GLIS3: variants seen among roughly 807,000 people sequenced by gnomAD.
The protein encoded by GLIS3 is GLIS family zinc finger 3.
A neutral mutation model predicts 78.6 loss-of-function variants in GLIS3; 53 were observed. The ratio of observed to expected loss-of-function variants is 0.67; its 90% CI spans 0.54 to 0.85. The LOEUF (loss-of-function observed/expected upper bound fraction) is 0.85, where lower values mean the gene tolerates loss of function less well. GLIS3 is among the 40% of genes least tolerant of loss of function. GLIS3 has a pLI of 0.00. For synonymous variants in GLIS3, 684 were observed against 509.9 expected, an observed-to-expected ratio of 1.34 and a Z score of -4.60; for missense variants, 1,703 against 1,231.1, an observed-to-expected ratio of 1.38 and a Z score of -5.74.
intron 4 of GLIS3, among the ~76,000 whole-genome samples, chr9:4,037,860 G>C (rs535003998): frequency 5.3e-5 from 8 of 152,072 alleles, no homozygotes; most frequent in Admixed American, 1.3e-4. Flanking sequence ...TATTATGACA[G>C]CTGTGGAGAA....
At chr9:4,401,688 C>T in the GLIS3 span, among the ~76,000 whole-genome samples, 4 of 151,738 alleles carry the variant, frequency 2.6e-5, no homozygotes, top group Admixed American at 6.6e-5. Flanking sequence ...ATGCCTCAGC[C>T]TCAAGTGATT....
intron 6 of GLIS3, among the ~76,000 whole-genome samples, chr9:3,912,726 G>A (rs1441368208): frequency 6.6e-6 from 1 of 152,142 alleles, no homozygotes; most frequent in Non-Finnish European, 1.5e-5. Context: ...GCTTCATTCA[G>A]AGGTACGTCT....
At chr9:4,425,283 T>G in the GLIS3 span, among the ~76,000 whole-genome samples, 2 of 152,208 alleles carry the variant, frequency 1.3e-5, no homozygotes, top group Non-Finnish European at 2.9e-5. Context: ...TCCTAAGTAA[T>G]ATACACAAGA....
Position 4,145,944 on chromosome 9 carries a change from C to T in GLIS3, c.389-20003G>A, listed in dbSNP as rs556083744. Among the ~76,000 whole-genome samples, 5 of 152,230 alleles carry T rather than the reference C, an allele frequency of 3.3e-5. No individual in the cohort carries two copies. In the South Asian group the frequency reaches 8.3e-4, roughly 25 times the overall value. On this transcript the variant is annotated intron_variant, in intron 2 of 10. Transcript: ENST00000381971. The stretch of plus-strand genomic sequence containing the variant: ...AAAAAGGTCATTTCCAAGAAACTAA[C>T]ATGACAAAAAAGTACAAATCTGAAA...
At chr9:3,996,813 CAT>C (rs1430434749) in intron 4 of GLIS3, among the ~76,000 whole-genome samples, 4 of 152,014 alleles carry the variant, frequency 2.6e-5, no homozygotes, top group Admixed American at 2.6e-4. Flanking sequence ...AGAAAGATGA[CAT>C]GTGTTAATAA....
chr9:4,210,945 G>A (rs1174495765), intron 2 of GLIS3, among the ~76,000 whole-genome samples: 2 of 152,110 alleles, frequency 1.3e-5, no homozygotes, highest in Admixed American at 1.3e-4. Context: ...TAGCTCCATG[G>A]GCCATCCTCT....
chr9:4,045,566 T>G (rs1825179823), intron 4 of GLIS3, among the ~76,000 whole-genome samples: 1 of 151,826 alleles, frequency 6.6e-6, no homozygotes, highest in African/African-American at 2.4e-5. Flanking sequence ...CTCGAACTCC[T>G]GACCTCGTGA....
intron 2 of GLIS3, chr9:4,147,396 G>A (rs910854086): frequency 1.3e-5 from 2 of 152,144 alleles, no homozygotes; most frequent in East Asian, 3.9e-4. Flanking sequence ...ATTTTAAAGT[G>A]TTAGAAGTAA....
chr9:3,967,011 C>CAAAAAAAAA (rs776900943), intron 4 of GLIS3, among the ~76,000 whole-genome samples: 31 of 29,526 alleles, frequency 1.0e-3, no homozygotes, highest in Non-Finnish European at 1.4e-3. Flanking sequence ...TTTCTTTCTG[C>CAAAAAAAAA]AAAAAAAAAA....
intron 2 of GLIS3, among the ~76,000 whole-genome samples, chr9:4,239,331 CA>C (rs988066560): frequency 4.7e-5 from 7 of 150,008 alleles, no homozygotes; most frequent in African/African-American, 7.3e-5. Context: ...AAAAAAAAAC[CA>C]AAAAAAATGT....
At chr9:4,359,164 G>A in the GLIS3 span, among the ~76,000 whole-genome samples, 1 of 152,110 alleles carries the variant, frequency 6.6e-6, no homozygotes, top group South Asian at 2.1e-4. Flanking sequence ...AGTTGTTCCA[G>A]TATGTCCCAC....
chr9:4,464,677 G>A, the GLIS3 span, among the ~76,000 whole-genome samples: 2 of 152,148 alleles, frequency 1.3e-5, no homozygotes, highest in Non-Finnish European at 2.9e-5. Context: ...TTACAGGCAT[G>A]AGCCACCATG....
chr9:4,008,381 T>C (rs1821727784), intron 4 of GLIS3, among the ~76,000 whole-genome samples: 1 of 152,002 alleles, frequency 6.6e-6, no homozygotes, highest in Non-Finnish European at 1.5e-5. Context: ...GCCAGTGCCA[T>C]TTTCCCTGCC....
chr9:4,393,678 T>G, the GLIS3 span, among the ~76,000 whole-genome samples: 2 of 152,310 alleles, frequency 1.3e-5, no homozygotes, highest in East Asian at 3.9e-4. Flanking sequence ...TTGGCTGATG[T>G]TTCCTTGTGA....
At chr9:3,976,907 G>A (rs4442189) in intron 4 of GLIS3, among the ~76,000 whole-genome samples, 3 of 134,892 alleles carry the variant, frequency 2.2e-5, no homozygotes, top group Non-Finnish European at 3.1e-5. Context: ...AGAAAGGTAT[G>A]AAAATATTTT....
intron 2 of GLIS3, among the ~76,000 whole-genome samples, chr9:4,178,008 AC>A (rs1253232564): frequency 6.6e-6 from 1 of 152,188 alleles, no homozygotes; most frequent in Non-Finnish European, 1.5e-5. Context: ...GATTATCACT[AC>A]CTTTGGGGAA....
chr9:4,440,725 T>C, the GLIS3 span, among the ~76,000 whole-genome samples: 6 of 152,220 alleles, frequency 3.9e-5, no homozygotes, highest in East Asian at 1.9e-4. Context: ...AGGGGTTGCA[T>C]TGATTTTGTA....
intron 4 of GLIS3, among the ~76,000 whole-genome samples, chr9:4,074,897 T>C (rs1827916333): frequency 6.6e-6 from 1 of 152,208 alleles, no homozygotes; most frequent in Non-Finnish European, 1.5e-5. Context: ...TCATCTACCA[T>C]GATCTTCTTT....
chr9:4,285,300 C>T (rs552030190), intron 2 of GLIS3, among the ~76,000 whole-genome samples: 16 of 152,244 alleles, frequency 1.1e-4, no homozygotes, highest in African/African-American at 3.1e-4. Context: ...TCTAATGTGT[C>T]GCTCAAATAA....
Sources: allele counts gnomAD v4.1 joint callset (sites outside exome capture counted in the v4.1 genomes callset), GRCh38; gene constraint gnomAD v4.1.1; transcripts MANE v1.5; gene names NCBI Gene and HGNC (gene_info 2026-07-23, HGNC 2026-07-21).